The following GPLD1 variants were observed in gnomAD, a reference collection of about 807,000 sequenced individuals.
GPLD1 encodes phosphatidylinositol-glycan-specific phospholipase D.
In GPLD1, 84 loss-of-function variants were observed where a neutral mutation model predicts 112.6. The observed-to-expected ratio is 0.75, with a 90% CI of 0.63 to 0.89. The LOEUF (loss-of-function observed/expected upper bound fraction) is 0.89, where lower values mean the gene tolerates loss of function less well. GPLD1 is among the 40% of genes least tolerant of loss of function. The pLI, the probability that GPLD1 is intolerant of heterozygous loss-of-function variation, is 0.00. For synonymous variants in GPLD1, 386 were observed against 403.8 expected, an observed-to-expected ratio of 0.96 and a Z score of 0.53; for missense variants, 1,044 against 1,051.5, an observed-to-expected ratio of 0.99 and a Z score of 0.10.
At chr6:24,472,518 G>T in intron 7 of GPLD1, 64 bp downstream of exon 7, 1 of 914,542 alleles carries the variant, frequency 1.1e-6, no homozygotes. Flanking sequence ...TATTTTCTAA[G>T]AAAAAAAGTC....
chr6:24,460,008 C>T (rs1763384395), intron 12 of GPLD1, among the ~76,000 whole-genome samples: 1 of 152,210 alleles, frequency 6.6e-6, no homozygotes, highest in African/African-American at 2.4e-5. Context: ...AAGCAATCCT[C>T]CTGCCTTAGC....
In GPLD1 at chr6:24,426,860, C is replaced by T. The variant is rs62401892; in HGVS notation, c.*2172G>A. Among the ~76,000 whole-genome samples the T allele has an allele frequency of 0.12, 18,761 of 152,210 alleles. 1,268 individuals are homozygous for T. The highest frequency in any genetic ancestry group is 0.16 in the Admixed American group (2,410 of 15,288). On this transcript the variant is annotated 3_prime_UTR_variant, in exon 25 of 25. Transcript: ENST00000230036. ...CAAATGGCGCTTCCTTGTGCTTTTG[C>T]TGTGCCATAGGTTACTATGCAGCTA...
intron 12 of GPLD1, among the ~76,000 whole-genome samples, chr6:24,457,034 C>T (rs933945704): frequency 5.3e-5 from 8 of 152,156 alleles, no homozygotes; most frequent in African/African-American, 1.9e-4. Flanking sequence ...CCACACCCAG[C>T]TAATTTTTGT....
At chr6:24,430,524 CT>C (rs1333979733) in intron 24 of GPLD1, among the ~76,000 whole-genome samples, 8 of 152,230 alleles carry the variant, frequency 5.3e-5, no homozygotes, top group African/African-American at 1.9e-4. Flanking sequence ...CACTAAGTTA[CT>C]GCTCTGCTGA....
At chr6:24,467,746 A>C (rs1023422648) in intron 7 of GPLD1, among the ~76,000 whole-genome samples, 54 of 152,322 alleles carry the variant, frequency 3.5e-4, no homozygotes, top group African/African-American at 1.2e-3. Flanking sequence ...AAAGTATACA[A>C]AAAAGTATAC....
chr6:24,468,010 A>G (rs1306506073), intron 7 of GPLD1, among the ~76,000 whole-genome samples: 1 of 151,916 alleles, frequency 6.6e-6, no homozygotes, highest in Non-Finnish European at 1.5e-5. Context: ...GGGTTCAAGC[A>G]ATTCTCCTGC....
intron 2 of GPLD1, among the ~76,000 whole-genome samples, chr6:24,483,592 C>T (rs1011583949): frequency 2.7e-5 from 4 of 150,440 alleles, no homozygotes; most frequent in Non-Finnish European, 4.4e-5. Flanking sequence ...GCAGGAGAAT[C>T]GCTTGAACCT....
chr6:24,464,792 C>T (rs1763544147), intron 10 of GPLD1, among the ~76,000 whole-genome samples: 1 of 152,222 alleles, frequency 6.6e-6, no homozygotes, highest in Non-Finnish European at 1.5e-5. Flanking sequence ...CCGCTCTGCC[C>T]TTTCCCCGAT....
intron 22 of GPLD1, among the ~76,000 whole-genome samples, chr6:24,435,430 G>A (rs2127316244): frequency 6.6e-6 from 1 of 152,216 alleles, no homozygotes; most frequent in South Asian, 2.1e-4. Context: ...CCGCTCTAAA[G>A]GTAAGCAGGT....
chr6:24,459,797 G>C (rs536938506), intron 12 of GPLD1, among the ~76,000 whole-genome samples: 14 of 152,204 alleles, frequency 9.2e-5, no homozygotes, highest in Non-Finnish European at 1.8e-4. Flanking sequence ...ACGCCTTTGG[G>C]ACTAAGTCCA....
At chr6:24,461,696 G>C (rs371005025) in intron 11 of GPLD1, among the ~76,000 whole-genome samples, 2 of 152,106 alleles carry the variant, frequency 1.3e-5, no homozygotes, top group South Asian at 2.1e-4. Context: ...AGAGCACCTT[G>C]CATTTTTTCT....
intron 4 of GPLD1, 59 bp from the exon 5 acceptor site, chr6:24,475,290 A>T: frequency 5.4e-6 from 2 of 372,132 alleles, no homozygotes; most frequent in East Asian, 5.1e-5. Context: ...TAACAATCCT[A>T]TTAAAAGTTT....
intron 18 of GPLD1, 56 bp downstream of exon 18, chr6:24,446,782 A>G: frequency 1.3e-6 from 2 of 1,572,364 alleles, no homozygotes; most frequent in African/African-American, 1.4e-5. Flanking sequence ...TGCGCTCCAT[A>G]GCAGCAGGTA....
chr6:24,425,596 T>G (rs1475739086), downstream of GPLD1: 1 of 152,232 alleles, frequency 6.6e-6, no homozygotes, highest in Non-Finnish European at 1.5e-5. Flanking sequence ...ATATATGAAG[T>G]TCCTTGGTTT....
chr6:24,465,009 C>G (rs985981582), intron 10 of GPLD1, among the ~76,000 whole-genome samples: 1 of 150,950 alleles, frequency 6.6e-6, no homozygotes, highest in Non-Finnish European at 1.5e-5. Flanking sequence ...CCTGGCCAAC[C>G]AACATGGCAA....
At chr6:24,459,984 G>A (rs988468526) in intron 12 of GPLD1, among the ~76,000 whole-genome samples, 2 of 151,886 alleles carry the variant, frequency 1.3e-5, no homozygotes, top group Non-Finnish European at 2.9e-5. Flanking sequence ...CTGTAGCCTT[G>A]AACTCCTGGG....
At chr6:24,470,211 TCTTAA>T (rs1319430247) in intron 7 of GPLD1, among the ~76,000 whole-genome samples, 3 of 152,152 alleles carry the variant, frequency 2.0e-5, no homozygotes, top group South Asian at 2.1e-4. Flanking sequence ...TCTCGGCAGT[TCTTAA>T]CTTGAGCCTA....
chr6:24,450,145 T>C (rs1056174012), intron 14 of GPLD1, among the ~76,000 whole-genome samples: 1 of 152,256 alleles, frequency 6.6e-6, no homozygotes, highest in Non-Finnish European at 1.5e-5. Context: ...TTGGTTCTTA[T>C]GAGTTCTAGA....
At chr6:24,466,850 A>C (rs1393736548) in intron 9 of GPLD1, 31 bp from the exon 10 acceptor site, 7 of 1,598,784 alleles carry the variant, frequency 4.4e-6, no homozygotes, top group Non-Finnish European at 6.0e-6. Flanking sequence ...AAATAAAATG[A>C]ATATGGTACT....
Sources: gnomAD v4.1 joint callset for allele counts (sites outside exome capture counted in the v4.1 genomes callset) on GRCh38, gnomAD v4.1.1 for gene constraint, MANE v1.5 for transcripts, NCBI Gene and HGNC (gene_info 2026-07-23, HGNC 2026-07-21) for gene names.